Variants in CNST observed in about 807,000 individuals in gnomAD.
CNST encodes consortin.
Under a neutral mutation model 72.4 loss-of-function variants are expected in CNST, and 39 were observed. That is an observed-to-expected ratio of 0.54 (90% CI 0.42 to 0.70). The LOEUF (loss-of-function observed/expected upper bound fraction) is 0.70, where lower values mean the gene tolerates loss of function less well. Ranked by LOEUF, CNST falls within the 30% of genes least tolerant of loss-of-function variation. The probability of loss-of-function intolerance (pLI) is 0.00; values close to 1 mark genes in which losing one functional copy is unlikely to be tolerated. For missense variants in CNST, 871 were observed against 868.5 expected, an observed-to-expected ratio of 1.00 and a Z score of -0.04; for synonymous variants, 332 against 320.1, an observed-to-expected ratio of 1.04 and a Z score of -0.40.
chr1:246,623,318 G>A (rs1389482274), intron 3 of CNST, among the ~76,000 whole-genome samples: 1 of 152,228 alleles, frequency 6.6e-6, no homozygotes, highest in Non-Finnish European at 1.5e-5. Flanking sequence ...AATTGTCAAT[G>A]TGAAAATAAA....
chr1:246,645,527 A>C (rs1473992997), intron 8 of CNST, among the ~76,000 whole-genome samples: 1 of 145,530 alleles, frequency 6.9e-6, no homozygotes, highest in African/African-American at 2.6e-5. Flanking sequence ...TCCCGGGTTC[A>C]CGCCATTCTC....
At chr1:246,637,181 C>T (rs971895487) in intron 6 of CNST, among the ~76,000 whole-genome samples, 2 of 152,128 alleles carry the variant, frequency 1.3e-5, no homozygotes, top group African/African-American at 4.8e-5. Flanking sequence ...AAGAAGTAGC[C>T]TTTGGGGTGA....
intron 6 of CNST, among the ~76,000 whole-genome samples, chr1:246,639,043 G>T (rs1665500216): frequency 6.6e-6 from 1 of 152,170 alleles, no homozygotes; most frequent in East Asian, 1.9e-4. Context: ...GCTTCCAAGG[G>T]TGAGGACAGC....
At chr1:246,605,564 C>G (rs1662677621) in intron 2 of CNST, among the ~76,000 whole-genome samples, 1 of 152,140 alleles carries the variant, frequency 6.6e-6, no homozygotes, top group African/African-American at 2.4e-5. Context: ...AGGGGTTTTA[C>G]AGTCTCCTGT....
Position 246,667,993 on chromosome 1 carries a change from G to T in CNST, c.*2088G>T, listed in dbSNP as rs1667454474. The T allele has an allele frequency of 6.6e-6, 1 of 152,160 alleles. No homozygotes were observed. The highest frequency in any genetic ancestry group is 2.4e-5 in the African/African-American group (1 of 41,428). 9.4% of individuals were successfully genotyped at this position (152,160 alleles called of 1,614,324 possible). A position where few individuals can be genotyped will look rare whatever the true frequency, so the allele number is the denominator to read the frequency against. On this transcript the variant is annotated 3_prime_UTR_variant, in exon 11 of 11. Coordinates refer to ENST00000366513, the MANE Select transcript of CNST (RefSeq NM_152609.3). ...CTGAGACAATAGCTTGCTAAGCAGG[G>T]GCCCAGTGGTGTCTCAGAGAAACCA...
intron 6 of CNST, among the ~76,000 whole-genome samples, 161 bp from the exon 7 acceptor site, chr1:246,641,588 A>T (rs772620059): frequency 6.6e-6 from 1 of 152,182 alleles, no homozygotes; most frequent in African/African-American, 2.4e-5. Context: ...ACTTTGAACT[A>T]TGTGAGCCAG....
rs1280778043 is a variant in CNST, at chr1:246,666,883, A to G, written c.*978A>G. On this transcript the variant is annotated 3_prime_UTR_variant, in exon 11 of 11. Coordinates refer to ENST00000366513, the MANE Select transcript of CNST (RefSeq NM_152609.3). The stretch of plus-strand genomic sequence containing the variant: ...TATAGAATAAACCAGTACTTTGCTG[A>G]GTGAAATCACCATATAGAATTCAGT... The G allele has an allele frequency of 1.3e-5, 2 of 152,216 alleles. No homozygotes were observed. The highest frequency in any genetic ancestry group is 4.8e-5 in the African/African-American group (2 of 41,458). 9.4% of individuals were successfully genotyped at this position (152,216 alleles called of 1,614,324 possible).
chr1:246,613,124 C>T (rs767312827), intron 2 of CNST, among the ~76,000 whole-genome samples: 8 of 152,258 alleles, frequency 5.3e-5, no homozygotes, highest in Non-Finnish European at 7.4e-5. Context: ...GATTAAGTAA[C>T]GTGCCCGATG....
chr1:246,654,680 C>T (rs1666676411), intron 9 of CNST, among the ~76,000 whole-genome samples: 1 of 152,204 alleles, frequency 6.6e-6, no homozygotes, highest in Non-Finnish European at 1.5e-5. Flanking sequence ...CCACTATACA[C>T]AGTAAGGCTT....
At chr1:246,606,724 T>C (rs1010133581) in intron 2 of CNST, 20 of 151,926 alleles carry the variant, frequency 1.3e-4, no homozygotes, top group Admixed American at 1.3e-3. Context: ...TCACGGTCTT[T>C]GGCTTCCTCC....
chr1:246,580,305 G>C lies in CNST; in HGVS notation c.-51-11207G>C, dbSNP rs568686348. Among the ~76,000 whole-genome samples the C allele has an allele frequency of 3.9e-5, 6 of 152,260 alleles. No individual in the cohort carries two copies. The East Asian group carries it at 1.2e-3, about 29-fold the overall frequency. On this transcript the variant is annotated intron_variant, in intron 1 of 10. Transcript: ENST00000366513. Reference sequence around the variant, plus strand: ...TATTAAGGGTTAGGTAGCATTTAAAGTATTTGTGGTCAGAAATTAAATGAA... The same window carrying C: ...TATTAAGGGTTAGGTAGCATTTAAACTATTTGTGGTCAGAAATTAAATGAA...
At chr1:246,617,154 TAA>T (rs2103070543) in intron 2 of CNST, among the ~76,000 whole-genome samples, 1 of 152,262 alleles carries the variant, frequency 6.6e-6, no homozygotes, top group Non-Finnish European at 1.5e-5. Flanking sequence ...TGTCAAGCAT[TAA>T]AAGACATAGA....
At chr1:246,606,830 G>C (rs542904531) in intron 2 of CNST, 2 of 152,288 alleles carry the variant, frequency 1.3e-5, no homozygotes, top group Non-Finnish European at 2.9e-5. Context: ...AGGTTGAATT[G>C]TGCGTAGGAA....
intron 2 of CNST, among the ~76,000 whole-genome samples, chr1:246,601,345 G>A (rs1662277978): frequency 6.6e-6 from 1 of 152,078 alleles, no homozygotes; most frequent in Non-Finnish European, 1.5e-5. Flanking sequence ...ATGAGGTTCT[G>A]TTGGTAGGGT....
rs114049763 is a variant in CNST at position 246,579,250 on chromosome 1, T to A, written c.-51-12262T>A. On this transcript the variant is annotated intron_variant, in intron 1 of 10. Coordinates refer to ENST00000366513, the MANE Select transcript of CNST (RefSeq NM_152609.3). Reference sequence around the variant, plus strand: ...GTTACCAGAGAGTGTCCATTTATCATCCTGTGACTTTGCAGATCCCTGGTC... The same window carrying A: ...GTTACCAGAGAGTGTCCATTTATCAACCTGTGACTTTGCAGATCCCTGGTC... 9.1e-3 allele frequency among the ~76,000 whole-genome samples: 1,390 copies of A among 152,316 alleles called. 13 individuals carry two copies. The highest frequency in any genetic ancestry group is 0.024 in the Middle Eastern group (7 of 294).
chr1:246,650,477 C>T (rs1383380780), intron 9 of CNST, among the ~76,000 whole-genome samples: 1 of 152,080 alleles, frequency 6.6e-6, no homozygotes, highest in East Asian at 1.9e-4. Flanking sequence ...ACAAAGTCTG[C>T]CTAACTCTGT....
Position 246,647,317 on chromosome 1 carries a change from G to T in CNST, c.1116G>T (p.Ala372=). Residue 372 remains alanine, a synonymous_variant, in exon 9 of 11, where the codon GCG becomes GCT. Transcript: ENST00000366513. ...ELLCSAEATL[A]LHTQSSETAG... ...TCTGCAGCGCTGAAGCCACGTTAGC[G>T]CTCCACACCCAGTCCTCCGAGACAG... is the stretch of plus-strand genomic sequence containing the variant. 6.2e-7 allele frequency: 1 copy of T among 1,614,084 alleles called. No homozygotes were observed. Among genetic ancestry groups the T allele is most frequent in the South Asian group, 1.1e-5 (1 of 91,076 alleles).
intron 1 of CNST, among the ~76,000 whole-genome samples, chr1:246,573,571 T>C (rs922361625): frequency 6.6e-6 from 1 of 152,208 alleles, no homozygotes; most frequent in Non-Finnish European, 1.5e-5. Flanking sequence ...CTCCACTGCA[T>C]AGCTGGGGAA....
chr1:246,609,548 G>C (rs1323291889), intron 2 of CNST, among the ~76,000 whole-genome samples: 2 of 152,212 alleles, frequency 1.3e-5, no homozygotes, highest in South Asian at 4.1e-4. Flanking sequence ...TGGCACTCCA[G>C]CCTGGGCAAC....
Sources: gnomAD v4.1 joint callset for allele counts (sites outside exome capture counted in the v4.1 genomes callset) on GRCh38, gnomAD v4.1.1 for gene constraint, MANE v1.5 for transcripts, NCBI Gene and HGNC (gene_info 2026-07-23, HGNC 2026-07-21) for gene names.